Variants in LYPD6 observed in about 807,000 individuals in gnomAD.
LYPD6 encodes the protein ly6/PLAUR domain-containing protein 6.
LYPD6 carries 15 observed loss-of-function variants against 22.7 expected under a neutral mutation model. The ratio of observed to expected loss-of-function variants is 0.66; its 90% CI spans 0.44 to 1.02. LYPD6 has a LOEUF of 1.02. Ranked by LOEUF, LYPD6 falls within the 50% of genes least tolerant of loss-of-function variation. LYPD6 has a pLI of 0.00. For missense variants in LYPD6, 189 were observed against 208.4 expected (o/e 0.91, Z 0.57); for synonymous variants, 72 against 77.5 (o/e 0.93, Z 0.37).
At chr2:149,361,794 AC>A (rs1159801219) in intron 1 of LYPD6, among the ~76,000 whole-genome samples, 1 of 152,152 alleles carries the variant, frequency 6.6e-6, no homozygotes, top group African/African-American at 2.4e-5. Flanking sequence ...TCAGTATGTT[AC>A]CTTACATGGT....
intron 4 of LYPD6, among the ~76,000 whole-genome samples, chr2:149,469,925 G>A (rs1196664): frequency 0.84 from 127,481 of 152,104 alleles, 53,750 homozygotes; most frequent in East Asian, 0.99. Context: ...TGTATAGAAT[G>A]TTATTAATAA....
chr2:149,400,673 C>T (rs921493559), intron 1 of LYPD6, among the ~76,000 whole-genome samples: 6 of 152,118 alleles, frequency 3.9e-5, no homozygotes, highest in African/African-American at 1.4e-4. Context: ...CAGCATTTTA[C>T]AAAAGTGTCA....
chr2:149,342,346 A>G (rs566374650), intron 1 of LYPD6, among the ~76,000 whole-genome samples: 8 of 152,354 alleles, frequency 5.3e-5, no homozygotes, highest in African/African-American at 1.7e-4. Flanking sequence ...TTTAAAATAT[A>G]CAAAAGTTTA....
intron 3 of LYPD6, among the ~76,000 whole-genome samples, chr2:149,449,918 A>C (rs1011187172): frequency 3.5e-4 from 53 of 152,302 alleles, no homozygotes; most frequent in African/African-American, 1.3e-3. Flanking sequence ...AATGGCTTGG[A>C]CACAACCACA....
downstream of LYPD6, among the ~76,000 whole-genome samples, chr2:149,477,896 T>C (rs1681468442): frequency 6.6e-6 from 1 of 152,156 alleles, no homozygotes; most frequent in Non-Finnish European, 1.5e-5. Context: ...TGTGGACTTT[T>C]AGGAAAGCTG....
intron 3 of LYPD6, among the ~76,000 whole-genome samples, chr2:149,454,092 T>C (rs1183674467): frequency 1.3e-5 from 2 of 152,244 alleles, no homozygotes; most frequent in Non-Finnish European, 2.9e-5. Flanking sequence ...AAGATGTTTT[T>C]CAGATGATCT....
At chr2:149,356,286 T>C (rs1018206195) in intron 1 of LYPD6, among the ~76,000 whole-genome samples, 2 of 152,182 alleles carry the variant, frequency 1.3e-5, no homozygotes, top group Non-Finnish European at 2.9e-5. Context: ...TGGCCTATCT[T>C]GGGACAGATA....
chr2:149,462,525 C>T (rs1053972502), intron 3 of LYPD6, among the ~76,000 whole-genome samples: 1 of 151,164 alleles, frequency 6.6e-6, no homozygotes, highest in African/African-American at 2.4e-5. Flanking sequence ...CTGTCAAAAT[C>T]CCAGGAAGAT....
chr2:149,473,502 T>A lies in LYPD6; in HGVS notation c.*2652T>A, dbSNP rs894302595. 6.6e-6 allele frequency: 1 copy of A among 152,616 alleles called. No homozygotes were observed. The highest frequency in any genetic ancestry group is 2.4e-5 in the African/African-American group (1 of 41,476). The allele number at this position is 152,616 out of a possible 1,614,324, so 9.5% of individuals were successfully genotyped here. On this transcript the variant is annotated 3_prime_UTR_variant, in exon 5 of 5. Coordinates refer to ENST00000334166, the MANE Select transcript of LYPD6 (RefSeq NM_194317.5). ...GTGTAAAGAGCCATGATGTGTATAT[T>A]AAGCTATGTGCCACATATTTATTTT...
chr2:149,337,523 C>T (rs994801714), intron 1 of LYPD6, among the ~76,000 whole-genome samples: 1 of 152,054 alleles, frequency 6.6e-6, no homozygotes, highest in Non-Finnish European at 1.5e-5. Context: ...TTGTTTCTTT[C>T]CTTGGCTCTG....
intron 1 of LYPD6, among the ~76,000 whole-genome samples, chr2:149,346,408 T>C (rs1681256712): frequency 6.6e-6 from 1 of 152,184 alleles, no homozygotes; most frequent in Non-Finnish European, 1.5e-5. Flanking sequence ...TAGGACTGAG[T>C]TGCTCTTTAT....
chr2:149,394,455 G>C (rs1445703037), intron 1 of LYPD6, among the ~76,000 whole-genome samples: 2 of 152,060 alleles, frequency 1.3e-5, no homozygotes, highest in Non-Finnish European at 2.9e-5. Context: ...CACCAACTTG[G>C]CATCCATTTT....
chr2:149,350,577 A>G (rs911009773), intron 1 of LYPD6, among the ~76,000 whole-genome samples: 1 of 152,192 alleles, frequency 6.6e-6, no homozygotes, highest in African/African-American at 2.4e-5. Flanking sequence ...AGTGCTGTCC[A>G]GTAGAATTTT....
At chr2:149,409,791 C>T (rs1682812852) in intron 1 of LYPD6, among the ~76,000 whole-genome samples, 1 of 152,132 alleles carries the variant, frequency 6.6e-6, no homozygotes. Context: ...AAAGGCTGGT[C>T]TCACTCCTAC....
At chr2:149,379,351 T>C (rs1383801160) in intron 1 of LYPD6, among the ~76,000 whole-genome samples, 1 of 152,232 alleles carries the variant, frequency 6.6e-6, no homozygotes, top group Non-Finnish European at 1.5e-5. Context: ...TGGACATAAC[T>C]GCTAAACCTT....
At chr2:149,387,697 T>G (rs554058559) in intron 1 of LYPD6, among the ~76,000 whole-genome samples, 1 of 152,186 alleles carries the variant, frequency 6.6e-6, no homozygotes, top group East Asian at 1.9e-4. Flanking sequence ...CACGAGGTGC[T>G]CCCAGCAAGG....
At chr2:149,351,825 G>A (rs942528128) in intron 1 of LYPD6, among the ~76,000 whole-genome samples, 1 of 152,020 alleles carries the variant, frequency 6.6e-6, no homozygotes, top group South Asian at 2.1e-4. Context: ...GGATGTTGCT[G>A]TTATGGAAGT....
intron 1 of LYPD6, among the ~76,000 whole-genome samples, chr2:149,400,154 T>C (rs16826943): frequency 0.044 from 6,693 of 152,280 alleles, 482 homozygotes; most frequent in African/African-American, 0.15. Flanking sequence ...TGAGAACAGC[T>C]AGTGAGTGAT....
chr2:149,409,753 G>A (rs866061805), intron 1 of LYPD6, among the ~76,000 whole-genome samples: 2 of 152,086 alleles, frequency 1.3e-5, no homozygotes, highest in East Asian at 1.9e-4. Context: ...CACTGGCTTC[G>A]TCCTGCTTCC....
Sources: allele counts gnomAD v4.1 joint callset (sites outside exome capture counted in the v4.1 genomes callset), GRCh38; gene constraint gnomAD v4.1.1; transcripts MANE v1.5; gene names NCBI Gene and HGNC (gene_info 2026-07-23, HGNC 2026-07-21).